FIGNL2: variants seen among roughly 807,000 people sequenced by gnomAD.
FIGNL2 encodes fidgetin-like protein 2.
For synonymous variants in FIGNL2, 565 were observed against 484.0 expected, an observed-to-expected ratio of 1.17 and a Z score of -2.20; for missense variants, 1,060 against 950.2, an observed-to-expected ratio of 1.12 and a Z score of -1.52.
Position 51,820,372 on chromosome 12 carries a change from GT to G in FIGNL2, c.*79del. 6.6e-7 allele frequency: 1 copy of G among 1,523,068 alleles called. No individual in the cohort carries two copies. The highest frequency in any genetic ancestry group is 1.4e-5 in the African/African-American group (1 of 72,272). The allele number at this position is 1,523,068 out of a possible 1,614,324, so 94.3% of individuals were successfully genotyped here. A position where few individuals can be genotyped will look rare whatever the true frequency, so the allele number is the denominator to read the frequency against. On this transcript the variant is annotated 3_prime_UTR_variant, in exon 2 of 2. Coordinates refer to ENST00000618634, the MANE Select transcript of FIGNL2 (RefSeq NM_001384995.1). ...CACCACTCCAGCCCCTGCCAGCCGG[GT>G]TTAGTCAGTGACATCCCTCCCACGC... is the stretch of plus-strand genomic sequence containing the variant.
rs1939189257 is a variant in FIGNL2, at chr12:51,821,429, GGACGCCGCCACCGTACTTGCCC to G, written c.963_984del (p.Gly322ProfsTer50). On this transcript the variant is annotated frameshift_variant, in exon 2 of 2. Transcript: ENST00000618634. LOFTEE classifies it low-confidence loss of function (END_TRUNC). ...ACGGGGGAGCCCAGGACCTTGAGGGGGACGCCGCCACCGTACTTGCCCGACGCCTCCTCCGCGGCTCCTGGCG... is the reference window on the plus strand; with the variant it reads ...ACGGGGGAGCCCAGGACCTTGAGGGGGACGCCTCCTCCGCGGCTCCTGGCG... 3 of 1,538,186 alleles carry G rather than the reference GGACGCCGCCACCGTACTTGCCC, an allele frequency of 2.0e-6. No homozygotes were observed. Among genetic ancestry groups the G allele is most frequent in the Non-Finnish European group, 1.7e-6 (2 of 1,145,064 alleles).
In FIGNL2 at chr12:51,820,118, A is replaced by C. The variant is rs1342885129; in HGVS notation, c.*334T>G. 3.0e-6 allele frequency: 1 copy of C among 331,648 alleles called. No homozygotes were observed. Among genetic ancestry groups the C allele is most frequent in the African/African-American group, 2.2e-5 (1 of 44,526 alleles). 20.5% of individuals were successfully genotyped at this position (331,648 alleles called of 1,614,324 possible). A position where few individuals can be genotyped will look rare whatever the true frequency, so the allele number is the denominator to read the frequency against. The stretch of plus-strand genomic sequence containing the variant: ...GAAGGAGGGTGCCATTCAGATAGCG[A>C]GGAGACAAAAGCGTTGTGGCAAGAG... On this transcript the variant is annotated 3_prime_UTR_variant, in exon 2 of 2. Coordinates refer to ENST00000618634, the MANE Select transcript of FIGNL2 (RefSeq NM_001384995.1).
At position 51,820,563 on chromosome 12, in the gene FIGNL2, G is replaced by C. The variant is rs1005372679; in HGVS notation, c.1851C>G (p.Pro617=). The part of the protein sequence containing the change: ...AGAGLPGLQR[P]LSYKDLEAAL... ...CCGCCTCCAGGTCCTTGTAGGAGAG[G>C]GGGCGCTGCAGCCCCGGGAGGCCCG... Residue 617 remains proline, a synonymous_variant, in exon 2 of 2, where the codon CCC becomes CCG. Coordinates refer to ENST00000618634, the MANE Select transcript of FIGNL2 (RefSeq NM_001384995.1). 17 of 1,534,146 alleles carry C rather than the reference G, an allele frequency of 1.1e-5. No individual in the cohort carries two copies. The highest frequency in any genetic ancestry group is 6.0e-5 in the Admixed American group (3 of 50,360).
chr12:51,836,670 C>A (rs1449537098), intron 1 of FIGNL2, among the ~76,000 whole-genome samples: 1 of 152,144 alleles, frequency 6.6e-6, no homozygotes, highest in African/African-American at 2.4e-5. Flanking sequence ...GGTCACTCAT[C>A]CATCCATCCA....
intron 1 of FIGNL2, among the ~76,000 whole-genome samples, chr12:51,834,082 C>CAGATGGACAGATGGACAGATGGATGAAT (rs1565946339): frequency 0.033 from 2,002 of 59,952 alleles, 7 homozygotes; most frequent in Admixed American, 0.044. Context: ...GATGAATAGA[C>CAGATGGACAGATGGACAGATGGATGAAT]AGACAGACGG....
rs545951539 is a variant in FIGNL2 at position 51,838,335 on chromosome 12, C to T, written c.-12+10205G>A. 1.6e-4 allele frequency among the ~76,000 whole-genome samples: 25 copies of T among 152,288 alleles called. 1 individual carries two copies. The highest frequency in any genetic ancestry group is 1.1e-3 in the Admixed American group (17 of 15,300). On this transcript the variant is annotated intron_variant, in intron 1 of 1. Transcript: ENST00000618634. ...AGGATTGTGGTGTGAGCCTGTTCTACGGTGAGACATACTCCTTCCCTTCTC... is the reference window on the plus strand; with the variant it reads ...AGGATTGTGGTGTGAGCCTGTTCTATGGTGAGACATACTCCTTCCCTTCTC...
chr12:51,821,812 G>T lies in FIGNL2; in HGVS notation c.602C>A (p.Pro201Gln). Reference sequence around the variant, plus strand: ...GCCCCCTGCGGGATAGTTGTACAGCGGCGCTGAGGGCCCGTACCCCGGAGG... The same window carrying T: ...GCCCCCTGCGGGATAGTTGTACAGCTGCGCTGAGGGCCCGTACCCCGGAGG... ...PPPPGYGPSA[P>Q]LYNYPAGGYA... is the part of the protein sequence containing the mutation. The change falls in exon 2 of 2, where the codon CCG becomes CAG. Residue 201 changes from proline (P) to glutamine (Q), a missense_variant. Coordinates refer to ENST00000618634, the MANE Select transcript of FIGNL2 (RefSeq NM_001384995.1). 7.8e-7 allele frequency: 1 copy of T among 1,274,436 alleles called. No homozygotes were observed. Among genetic ancestry groups the T allele is most frequent in the Non-Finnish European group, 9.8e-7 (1 of 1,015,238 alleles). 78.9% of individuals were successfully genotyped at this position (1,274,436 alleles called of 1,614,324 possible).
At chr12:51,841,700 G>T (rs999104246) in intron 1 of FIGNL2, 1 of 152,278 alleles carries the variant, frequency 6.6e-6, no homozygotes. Flanking sequence ...CTGGCCTCAA[G>T]GCTAGGACAC....
At chr12:51,827,330 C>T (rs1202375871) in intron 1 of FIGNL2, among the ~76,000 whole-genome samples, 2 of 152,058 alleles carry the variant, frequency 1.3e-5, no homozygotes, top group Non-Finnish European at 2.9e-5. Context: ...CAAACACACA[C>T]TGTGTGACCC....
At chr12:51,845,607 C>T (rs548523263) in intron 1 of FIGNL2, 43 of 985,388 alleles carry the variant, frequency 4.4e-5, no homozygotes, top group South Asian at 1.9e-4. Flanking sequence ...TTCATTAAAT[C>T]GGGTAAAGGA....
intron 1 of FIGNL2, among the ~76,000 whole-genome samples, chr12:51,835,955 C>T (rs1168549419): frequency 3.3e-5 from 5 of 152,032 alleles, no homozygotes; most frequent in South Asian, 2.1e-4. Context: ...GGATTACAGG[C>T]GTGCACCACC....
At chr12:51,830,553 G>A (rs898017275) in intron 1 of FIGNL2, among the ~76,000 whole-genome samples, 2 of 144,002 alleles carry the variant, frequency 1.4e-5, no homozygotes, top group Non-Finnish European at 3.0e-5. Flanking sequence ...GTGCAGTGGT[G>A]CGATCTCGGC....
intron 1 of FIGNL2, chr12:51,845,437 T>C: frequency 3.1e-6 from 3 of 977,708 alleles, no homozygotes; most frequent in South Asian, 4.8e-5. Flanking sequence ...CAGCACCCCA[T>C]ACTTGACCTC....
rs889914461 is a variant in FIGNL2, at chr12:51,820,693, T to C, written c.1721A>G (p.Gln574Arg). 2 of 1,493,302 alleles carry C rather than the reference T, an allele frequency of 1.3e-6. No individual in the cohort carries two copies. Among genetic ancestry groups the C allele is most frequent in the Non-Finnish European group, 1.8e-6 (2 of 1,130,632 alleles). The allele number at this position is 1,493,302 out of a possible 1,614,324, so 92.5% of individuals were successfully genotyped here. A position where few individuals can be genotyped will look rare whatever the true frequency, so the allele number is the denominator to read the frequency against. ...TTCCCGCTCACTGAGCGCGCAGCCC[T>C]GCTGGGCCAGCGCCCGCTGCAGGAT... is the stretch of plus-strand genomic sequence containing the variant. ...GQILQRALAQ[Q>R]GCALSERELA... The change falls in exon 2 of 2, where the codon CAG (glutamine) becomes CGG (arginine). Residue 574 changes from glutamine (Q) to arginine (R), a missense_variant. By Grantham distance (43) the Gln-to-Arg change is conservative (BLOSUM62 1). Coordinates refer to ENST00000618634, the MANE Select transcript of FIGNL2 (RefSeq NM_001384995.1).
At position 51,846,342 on chromosome 12, in the gene FIGNL2, G is replaced by T. The variant is rs548340570; in HGVS notation, c.-12+2198C>A. On this transcript the variant is annotated intron_variant, in intron 1 of 1. Transcript: ENST00000618634. Reference sequence around the variant, plus strand: ...ATCCGAGTTGGGCCCTGAAGAATAAGGAGGTTGTGGAAAGACAGGGACAAT... The same window carrying T: ...ATCCGAGTTGGGCCCTGAAGAATAATGAGGTTGTGGAAAGACAGGGACAAT... 3.3e-5 allele frequency among the ~76,000 whole-genome samples: 5 copies of T among 152,354 alleles called. No individual in the cohort carries two copies. In the East Asian group the frequency reaches 7.7e-4, roughly 24 times the overall value.
At position 51,840,302 on chromosome 12, in the gene FIGNL2, G is replaced by A. The variant is rs145492281; in HGVS notation, c.-12+8238C>T. 9.5e-4 allele frequency among the ~76,000 whole-genome samples: 144 copies of A among 152,352 alleles called. 2 individuals carry two copies. The highest frequency in any genetic ancestry group is 3.1e-3 in the African/African-American group (129 of 41,578). Reference sequence around the variant, plus strand: ...CTTTGCCTGGGACTTGGCCCTGCATGGGCGAGAGATGGAGGATGAGGCCAG... The same window carrying A: ...CTTTGCCTGGGACTTGGCCCTGCATAGGCGAGAGATGGAGGATGAGGCCAG... On this transcript the variant is annotated intron_variant, in intron 1 of 1. Transcript: ENST00000618634.
chr12:51,821,192 G>C lies in FIGNL2; in HGVS notation c.1222C>G (p.Leu408Val). 2 of 1,518,268 alleles carry C rather than the reference G, an allele frequency of 1.3e-6. No individual in the cohort carries two copies. The highest frequency in any genetic ancestry group is 1.2e-5 in the South Asian group (1 of 82,856). The allele number at this position is 1,518,268 out of a possible 1,614,324, so 94.0% of individuals were successfully genotyped here. The change falls in exon 2 of 2, where the codon CTG (leucine) becomes GTG (valine). Residue 408 changes from leucine to valine, a missense_variant. By Grantham distance (32) the Leu-to-Val change is conservative (BLOSUM62 1). Coordinates refer to ENST00000618634, the MANE Select transcript of FIGNL2 (RefSeq NM_001384995.1). ...GGCGGCCTGAGCAGGGGCCACACCAGCTCCTCCTCCAGCGCCGCCTTGAGC... is the reference window on the plus strand; with the variant it reads ...GGCGGCCTGAGCAGGGGCCACACCACCTCCTCCTCCAGCGCCGCCTTGAGC... ...GALKAALEEELVWPLLRPPAY... is the reference protein window; with the variant it reads ...GALKAALEEEVVWPLLRPPAY...
In FIGNL2 at chr12:51,820,109, C is replaced by G. The variant is rs1356662774; in HGVS notation, c.*343G>C. 3.2e-6 allele frequency: 1 copy of G among 313,546 alleles called. No individual in the cohort carries two copies. Among genetic ancestry groups the G allele is most frequent in the Non-Finnish European group, 5.9e-6 (1 of 168,828 alleles). The allele number at this position is 313,546 out of a possible 1,614,324, so 19.4% of individuals were successfully genotyped here. On this transcript the variant is annotated 3_prime_UTR_variant, in exon 2 of 2. Transcript: ENST00000618634. ...AGTGAGGGAGAAGGAGGGTGCCATT[C>G]AGATAGCGAGGAGACAAAAGCGTTG...
At chr12:51,848,354 C>A in intron 1 of FIGNL2, 186 bp downstream of exon 1, 1 of 981,010 alleles carries the variant, frequency 1.0e-6, no homozygotes, top group Non-Finnish European at 1.2e-6. Flanking sequence ...TGACCCTCGG[C>A]TCCCACGTAC....
Sources: gnomAD v4.1 joint callset for allele counts (sites outside exome capture counted in the v4.1 genomes callset) on GRCh38, gnomAD v4.1.1 for gene constraint, MANE v1.5 for transcripts, NCBI Gene and HGNC (gene_info 2026-07-23, HGNC 2026-07-21) for gene names.